The following KSR2 variants were observed in gnomAD, a reference collection of about 807,000 sequenced individuals.
KSR2 encodes kinase suppressor of ras 2.
A neutral mutation model predicts 107.8 loss-of-function variants in KSR2; 25 were observed. The observed-to-expected ratio is 0.23, with a 90% CI of 0.17 to 0.32. The LOEUF (loss-of-function observed/expected upper bound fraction) is 0.32, where lower values mean the gene tolerates loss of function less well. Among genes scored for constraint, KSR2 ranks in the 10% least tolerant of loss-of-function variants. The probability of loss-of-function intolerance (pLI) is 1.00; values close to 1 mark genes in which losing one functional copy is unlikely to be tolerated. For missense variants in KSR2, 887 were observed against 1,268.9 expected (o/e 0.70, Z 4.57); for synonymous variants, 480 against 507.0 (o/e 0.95, Z 0.71).
rs78615056 is a variant in KSR2 at position 117,729,140 on chromosome 12, CT to C, written c.986+31870del. ...AGAAAATGAAGTCACCAGCAGGAAA[CT>C]TTTTTTTTTTTTTTTACCAGTAAGA... On this transcript the variant is annotated intron_variant, in intron 4 of 19. Transcript: ENST00000339824. Among the ~76,000 whole-genome samples, 1,115 of 140,196 alleles carry C rather than the reference CT, an allele frequency of 8.0e-3. 1 individual carries two copies. Among genetic ancestry groups the C allele is most frequent in the Non-Finnish European group, 6.8e-3 (438 of 63,998 alleles). The allele number at this position is 140,196 out of a possible 152,430, so 92.0% of individuals were successfully genotyped here. A position where few individuals can be genotyped will look rare whatever the true frequency, so the allele number is the denominator to read the frequency against.
chr12:117,509,744 A>T (rs1255297456), intron 14 of KSR2, among the ~76,000 whole-genome samples: 1 of 152,104 alleles, frequency 6.6e-6, no homozygotes, highest in Non-Finnish European at 1.5e-5. Flanking sequence ...TCAGCTGGGG[A>T]AATTCTGAGG....
At position 117,525,187 on chromosome 12, in the gene KSR2, T is replaced by C; in HGVS notation, c.1884A>G (p.Ser628=). ...NEEVHDEAEE[S]EDDFEEMNLS... is the part of the protein sequence containing the mutation. The stretch of plus-strand genomic sequence containing the variant: ...GGTTCATCTCCTCGAAGTCATCCTC[T>C]GACTCTTCGGCCTCATCATGGACCT... Residue 628 remains serine (S), a synonymous_variant, in exon 14 of 20, where the codon TCA becomes TCG. Coordinates refer to ENST00000339824, the MANE Select transcript of KSR2 (RefSeq NM_173598.6). 1 of 1,611,832 alleles carries C rather than the reference T, an allele frequency of 6.2e-7. No individual in the cohort carries two copies. Among genetic ancestry groups the C allele is most frequent in the Non-Finnish European group, 8.5e-7 (1 of 1,178,388 alleles).
At chr12:117,668,487 C>T (rs1222893351) in intron 4 of KSR2, among the ~76,000 whole-genome samples, 2 of 152,158 alleles carry the variant, frequency 1.3e-5, no homozygotes, top group African/African-American at 4.8e-5. Flanking sequence ...ACCCTGGGTG[C>T]CCCCACCCTT....
chr12:117,658,706 C>T (rs559022648), intron 5 of KSR2, among the ~76,000 whole-genome samples: 4 of 152,152 alleles, frequency 2.6e-5, no homozygotes, highest in Non-Finnish European at 5.9e-5. Flanking sequence ...TATAGGCTTA[C>T]CCAGCTGGAT....
At chr12:117,718,952 A>C (rs772711640) in intron 4 of KSR2, among the ~76,000 whole-genome samples, 8 of 152,210 alleles carry the variant, frequency 5.3e-5, no homozygotes, top group South Asian at 4.1e-4. Context: ...CCAGTCTCCT[A>C]AACAGCCGCT....
At chr12:117,961,828 G>A (rs1207678815) in intron 1 of KSR2, among the ~76,000 whole-genome samples, 2 of 152,120 alleles carry the variant, frequency 1.3e-5, no homozygotes, top group African/African-American at 4.8e-5. Context: ...ATAGAAAATT[G>A]AGATGGAATA....
chr12:117,735,917 AAGAT>A (rs1887919809), intron 4 of KSR2, among the ~76,000 whole-genome samples: 1 of 152,222 alleles, frequency 6.6e-6, no homozygotes, highest in African/African-American at 2.4e-5. Flanking sequence ...GGATAGAAAT[AAGAT>A]TAATTGAACG....
chr12:117,788,797 GC>G (rs938661979), intron 3 of KSR2, among the ~76,000 whole-genome samples: 1 of 152,176 alleles, frequency 6.6e-6, no homozygotes, highest in African/African-American at 2.4e-5. Context: ...ATAGGTGTGA[GC>G]CACATTGCCC....
intron 7 of KSR2, among the ~76,000 whole-genome samples, chr12:117,574,594 G>A (rs1470990569): frequency 6.6e-6 from 1 of 152,096 alleles, no homozygotes; most frequent in Non-Finnish European, 1.5e-5. Context: ...GCAGGAAATG[G>A]CCACCATGAT....
intron 14 of KSR2, among the ~76,000 whole-genome samples, chr12:117,510,029 G>A (rs764161911): frequency 1.1e-4 from 16 of 152,156 alleles, no homozygotes; most frequent in South Asian, 2.1e-4. Flanking sequence ...CTACAGAGGC[G>A]CTGACTGTGG....
chr12:117,718,697 G>A (rs995740986), intron 4 of KSR2, among the ~76,000 whole-genome samples: 4 of 152,226 alleles, frequency 2.6e-5, no homozygotes, highest in Non-Finnish European at 5.9e-5. Context: ...TGAGGTGACA[G>A]TTGTCTAGGG....
rs1217676207 is a variant in KSR2, at chr12:117,794,566, CCAACATGCACACATACAT to C, written c.473-33060_473-33043del. Among the ~76,000 whole-genome samples the C allele has an allele frequency of 5.2e-3, 779 of 149,466 alleles. 13 individuals carry two copies. Among genetic ancestry groups the C allele is most frequent in the African/African-American group, 0.015 (611 of 40,234 alleles). On this transcript the variant is annotated intron_variant, in intron 3 of 19. Coordinates refer to ENST00000339824, the MANE Select transcript of KSR2 (RefSeq NM_173598.6). ...CACACTCAACCAACATGCACACACA[CCAACATGCACACATACAT>C]CAACATGCACACTCACACCAACATG...
intron 3 of KSR2, among the ~76,000 whole-genome samples, chr12:117,764,771 T>C (rs1431166334): frequency 6.6e-6 from 1 of 152,178 alleles, no homozygotes; most frequent in African/African-American, 2.4e-5. Context: ...TGTGTGACCT[T>C]GGGCACTCAT....
chr12:117,620,924 A>G (rs1224070895), intron 5 of KSR2, among the ~76,000 whole-genome samples: 1 of 152,204 alleles, frequency 6.6e-6, no homozygotes, highest in Admixed American at 6.6e-5. Flanking sequence ...AACATGTAGT[A>G]AGCCCCTTCC....
intron 3 of KSR2, among the ~76,000 whole-genome samples, chr12:117,806,048 G>A (rs1212277580): frequency 6.6e-6 from 1 of 152,128 alleles, no homozygotes; most frequent in East Asian, 1.9e-4. Context: ...CAGACCTGCT[G>A]CAGCCAAATT....
At chr12:117,901,114 G>A (rs1452080485) in intron 1 of KSR2, among the ~76,000 whole-genome samples, 2 of 152,122 alleles carry the variant, frequency 1.3e-5, no homozygotes, top group Non-Finnish European at 2.9e-5. Context: ...GTGCGTCATG[G>A]AAGGAGAGGA....
intron 1 of KSR2, among the ~76,000 whole-genome samples, chr12:117,966,974 C>T (rs759001930): frequency 5.3e-5 from 8 of 152,118 alleles, no homozygotes; most frequent in Non-Finnish European, 1.2e-4. Flanking sequence ...CCCCCACCCT[C>T]GGCGGATGCC....
chr12:117,836,932 C>G (rs1359272858), intron 3 of KSR2, among the ~76,000 whole-genome samples: 1 of 152,222 alleles, frequency 6.6e-6, no homozygotes, highest in East Asian at 1.9e-4. Context: ...TTTTTTCTGT[C>G]GCTTCGGAGC....
chr12:117,674,096 C>A (rs573408376), intron 4 of KSR2, among the ~76,000 whole-genome samples: 1 of 152,208 alleles, frequency 6.6e-6, no homozygotes, highest in Non-Finnish European at 1.5e-5. Flanking sequence ...GCATGTTTCC[C>A]AAGTACAGCA....
Sources: gnomAD v4.1 joint callset for allele counts (sites outside exome capture counted in the v4.1 genomes callset) on GRCh38, gnomAD v4.1.1 for gene constraint, MANE v1.5 for transcripts, NCBI Gene and HGNC (gene_info 2026-07-23, HGNC 2026-07-21) for gene names.